Variants in DACH1 observed in about 807,000 individuals in gnomAD.
DACH1 encodes the protein dachshund homolog 1.
DACH1 carries 12 observed loss-of-function variants against 54.2 expected under a neutral mutation model. The ratio of observed to expected loss-of-function variants is 0.22; its 90% CI spans 0.14 to 0.36. DACH1 has a LOEUF of 0.36. Ranked by LOEUF, DACH1 falls within the 10% of genes least tolerant of loss-of-function variation. DACH1 has a pLI of 1.00. For synonymous variants in DACH1, 386 were observed against 366.2 expected (o/e 1.05, Z -0.62); for missense variants, 805 against 929.8 (o/e 0.87, Z 1.75).
chr13:71,778,351 A>G (rs1293709636), intron 1 of DACH1, among the ~76,000 whole-genome samples: 1 of 151,988 alleles, frequency 6.6e-6, no homozygotes, highest in Non-Finnish European at 1.5e-5. Flanking sequence ...ATATTTTGAG[A>G]TATACATTTT....
At chr13:71,813,230 G>C (rs1887786851) in intron 1 of DACH1, among the ~76,000 whole-genome samples, 1 of 152,018 alleles carries the variant, frequency 6.6e-6, no homozygotes, top group East Asian at 1.9e-4. Context: ...ATTATTTATA[G>C]AGCTCTCACT....
In DACH1 at chr13:71,557,253, C is replaced by T. The variant is rs537628675; in HGVS notation, c.1436-95G>A. 11 of 1,000,376 alleles carry T rather than the reference C, an allele frequency of 1.1e-5. No individual in the cohort carries two copies. The South Asian group carries it at 2.2e-4, about 20-fold the overall frequency. The allele number at this position is 1,000,376 out of a possible 1,614,324, so 62.0% of individuals were successfully genotyped here. ...GTCAATTAAACTCTCTTGGACTCAACAGTAACTATAATATTAATATAATGG... is the reference window on the plus strand; with the variant it reads ...GTCAATTAAACTCTCTTGGACTCAATAGTAACTATAATATTAATATAATGG... On this transcript the variant is annotated intron_variant, in intron 5 of 10. Coordinates refer to ENST00000613252, the MANE Select transcript of DACH1 (RefSeq NM_080759.6).
intron 1 of DACH1, among the ~76,000 whole-genome samples, chr13:71,836,677 G>A (rs935209989): frequency 3.3e-5 from 5 of 152,096 alleles, no homozygotes; most frequent in African/African-American, 1.2e-4. Flanking sequence ...ATGCCTTTGA[G>A]CTCTTCATAT....
At chr13:71,510,797 G>C (rs1382174049) in intron 6 of DACH1, among the ~76,000 whole-genome samples, 1 of 151,778 alleles carries the variant, frequency 6.6e-6, no homozygotes, top group African/African-American at 2.4e-5. Context: ...GCAACGTTCA[G>C]TTTGTTTCAA....
chr13:71,584,596 TG>T (rs1873093761), intron 3 of DACH1, among the ~76,000 whole-genome samples: 2 of 152,270 alleles, frequency 1.3e-5, no homozygotes, highest in Admixed American at 1.3e-4. Context: ...ATTTTTGAAC[TG>T]TGTCAAATCT....
intron 3 of DACH1, among the ~76,000 whole-genome samples, chr13:71,624,210 G>A (rs1258329620): frequency 6.6e-6 from 1 of 151,778 alleles, no homozygotes; most frequent in Non-Finnish European, 1.5e-5. Flanking sequence ...TTTTGCATAG[G>A]GGATGATATT....
chr13:71,711,951 T>C (rs1882741324), intron 1 of DACH1, among the ~76,000 whole-genome samples: 1 of 152,172 alleles, frequency 6.6e-6, no homozygotes, highest in Non-Finnish European at 1.5e-5. Flanking sequence ...GAAAATAAAT[T>C]ATGTTAACCA....
chr13:71,617,745 A>G (rs766153384), intron 3 of DACH1, among the ~76,000 whole-genome samples: 34 of 152,204 alleles, frequency 2.2e-4, no homozygotes, highest in Admixed American at 5.2e-4. Flanking sequence ...AAGCTTGTAT[A>G]TTCATTTTCT....
At chr13:71,720,944 C>T (rs1883204465) in intron 1 of DACH1, among the ~76,000 whole-genome samples, 1 of 152,148 alleles carries the variant, frequency 6.6e-6, no homozygotes, top group African/African-American at 2.4e-5. Context: ...AAATGTAAAT[C>T]TGCATTATAA....
intron 1 of DACH1, among the ~76,000 whole-genome samples, chr13:71,816,294 C>T (rs1887919111): frequency 6.6e-6 from 1 of 151,894 alleles, no homozygotes; most frequent in African/African-American, 2.4e-5. Flanking sequence ...AGATCAGGGG[C>T]ATGTGACCCT....
chr13:71,860,943 T>G (rs1189803510), intron 1 of DACH1, among the ~76,000 whole-genome samples: 1 of 152,018 alleles, frequency 6.6e-6, no homozygotes, highest in Admixed American at 6.6e-5. Context: ...TATCATGTTT[T>G]CATATGCTGG....
chr13:71,489,108 A>C lies in DACH1; in HGVS notation c.1611T>G (p.Leu537=). 1 of 1,613,764 alleles carries C rather than the reference A, an allele frequency of 6.2e-7. No individual in the cohort carries two copies. Among genetic ancestry groups the C allele is most frequent in the Non-Finnish European group, 8.5e-7 (1 of 1,179,766 alleles). ...PLSTPTARDS[L]DKLSLTGHGQ... ...CATGCCCAGTTAGAGAGAGTTTGTC[A>C]AGGCTGTCTCTTGCGGTTGGTGTAG... The change falls in exon 7 of 11, where the codon CTT becomes CTG. Residue 537 remains leucine (L), a synonymous_variant. Coordinates refer to ENST00000613252, the MANE Select transcript of DACH1 (RefSeq NM_080759.6).
chr13:71,698,204 A>G (rs930290615), intron 1 of DACH1, among the ~76,000 whole-genome samples: 2 of 152,144 alleles, frequency 1.3e-5, no homozygotes, highest in Non-Finnish European at 2.9e-5. Context: ...ATAAATAAAT[A>G]AGTAAATAAT....
At chr13:71,486,421 C>T (rs1277173564) in intron 7 of DACH1, among the ~76,000 whole-genome samples, 1 of 152,102 alleles carries the variant, frequency 6.6e-6, no homozygotes, top group Middle Eastern at 3.2e-3. Flanking sequence ...CACATTTATA[C>T]TGTATACCTA....
intron 3 of DACH1, among the ~76,000 whole-genome samples, chr13:71,622,624 A>G (rs1876330418): frequency 6.6e-6 from 1 of 151,876 alleles, no homozygotes; most frequent in Non-Finnish European, 1.5e-5. Context: ...ATGTTTTTGT[A>G]GGTTGATAAT....
intron 2 of DACH1, among the ~76,000 whole-genome samples, chr13:71,633,338 C>T (rs1464167097): frequency 1.3e-5 from 2 of 152,128 alleles, no homozygotes; most frequent in African/African-American, 2.4e-5. Context: ...AAACATTAGG[C>T]ATGCTATTCA....
At chr13:71,512,763 C>A (rs576765009) in intron 6 of DACH1, among the ~76,000 whole-genome samples, 147 of 151,910 alleles carry the variant, frequency 9.7e-4, no homozygotes, top group Middle Eastern at 6.8e-3. Context: ...TCCATAGTTG[C>A]CAAACTGTGT....
At chr13:71,696,441 T>A (rs1251151875) in intron 1 of DACH1, among the ~76,000 whole-genome samples, 1 of 152,186 alleles carries the variant, frequency 6.6e-6, no homozygotes, top group East Asian at 1.9e-4. Context: ...ACCAGGCCTG[T>A]CTGTGCAAAA....
chr13:71,656,736 T>G (rs931982950), intron 2 of DACH1, among the ~76,000 whole-genome samples: 1 of 151,004 alleles, frequency 6.6e-6, no homozygotes, highest in African/African-American at 2.4e-5. Flanking sequence ...CATTTTTGAA[T>G]AGTCAATCTG....
Sources: gnomAD v4.1 joint callset for allele counts (sites outside exome capture counted in the v4.1 genomes callset) on GRCh38, gnomAD v4.1.1 for gene constraint, MANE v1.5 for transcripts, NCBI Gene and HGNC (gene_info 2026-07-23, HGNC 2026-07-21) for gene names.